FGF14: variants seen among roughly 807,000 people sequenced by gnomAD.
The protein encoded by FGF14 is fibroblast growth factor homologous factor 4.
FGF14 carries 5 observed loss-of-function variants against 25.5 expected under a neutral mutation model. The observed-to-expected ratio is 0.20, with a 90% confidence interval of 0.10 to 0.41. The LOEUF (loss-of-function observed/expected upper bound fraction) is 0.41. Among genes scored for constraint, FGF14 ranks in the 10% least tolerant of loss-of-function variants. The pLI is 1.00. For synonymous variants in FGF14, 138 were observed against 118.3 expected (o/e 1.17, Z -1.08); for missense variants, 222 against 320.1 (o/e 0.69, Z 2.34).
chr13:102,205,915 TTGGGGTG>T (rs2049888379), intron 1 of FGF14, among the ~76,000 whole-genome samples: 2 of 140,376 alleles, frequency 1.4e-5, no homozygotes, highest in Non-Finnish European at 3.1e-5. Context: ...GACTATCCAG[TTGGGGTG>T]ACGTGGACCA....
At chr13:102,028,499 T>C (rs934636357) in intron 1 of FGF14, among the ~76,000 whole-genome samples, 39 of 152,220 alleles carry the variant, frequency 2.6e-4, no homozygotes, top group African/African-American at 8.9e-4. Flanking sequence ...CTGTCATGTA[T>C]AAGTACCCAG....
chr13:102,218,576 T>C (rs536719589), intron 1 of FGF14, among the ~76,000 whole-genome samples: 2 of 151,976 alleles, frequency 1.3e-5, no homozygotes, highest in Non-Finnish European at 2.9e-5. Flanking sequence ...TGGTGGTCAA[T>C]GATGGGGTTC....
At chr13:101,774,043 C>T (rs1167781307) in intron 3 of FGF14, among the ~76,000 whole-genome samples, 3 of 151,702 alleles carry the variant, frequency 2.0e-5, no homozygotes, top group Non-Finnish European at 4.4e-5. Context: ...AAATTAAGAA[C>T]CTACAGTTGT....
intron 1 of FGF14, among the ~76,000 whole-genome samples, chr13:102,103,526 CTTT>C (rs2044758496): frequency 6.6e-6 from 1 of 151,800 alleles, no homozygotes; most frequent in African/African-American, 2.4e-5. Context: ...TATTCCTATT[CTTT>C]TCCAGATGTT....
intron 1 of FGF14, among the ~76,000 whole-genome samples, chr13:102,235,306 CAATT>C (rs745502815): frequency 6.6e-6 from 1 of 152,104 alleles, no homozygotes; most frequent in East Asian, 1.9e-4. Flanking sequence ...ACAAATGAAT[CAATT>C]AAAGTTATGA....
chr13:102,237,851 T>A (rs1372247355), intron 1 of FGF14, among the ~76,000 whole-genome samples: 2 of 152,182 alleles, frequency 1.3e-5, no homozygotes, highest in Non-Finnish European at 2.9e-5. Flanking sequence ...AAGAAGTGAT[T>A]TGACTTACAA....
intron 3 of FGF14, among the ~76,000 whole-genome samples, chr13:101,764,671 G>A (rs9518519): frequency 0.41 from 62,923 of 151,922 alleles, 14,540 homozygotes; most frequent in Non-Finnish European, 0.52. Flanking sequence ...CCCATACGAT[G>A]TAGGCTTAGT....
At chr13:101,801,888 G>A in intron 3 of FGF14, 3 of 386,134 alleles carry the variant, frequency 7.8e-6, no homozygotes, top group Non-Finnish European at 1.5e-5. Flanking sequence ...ATGGCTAAAG[G>A]TGACACCAAG....
chr13:101,883,520 G>C (rs1277045520), intron 1 of FGF14, among the ~76,000 whole-genome samples: 1 of 152,202 alleles, frequency 6.6e-6, no homozygotes, highest in African/African-American at 2.4e-5. Flanking sequence ...AACCAAAGCA[G>C]ATTGCTGTCA....
At chr13:101,856,029 A>C (rs1247183571) in intron 3 of FGF14, among the ~76,000 whole-genome samples, 1 of 151,762 alleles carries the variant, frequency 6.6e-6, no homozygotes, top group African/African-American at 2.4e-5. Flanking sequence ...ACTTCTCCTG[A>C]GTATCCATTT....
At chr13:102,216,412 G>C (rs1328187547) in intron 1 of FGF14, among the ~76,000 whole-genome samples, 1 of 152,112 alleles carries the variant, frequency 6.6e-6, no homozygotes, top group African/African-American at 2.4e-5. Context: ...AAGAATCAAG[G>C]GCACTAGAGA....
At chr13:102,228,915 G>C (rs2050949709) in intron 1 of FGF14, among the ~76,000 whole-genome samples, 1 of 152,048 alleles carries the variant, frequency 6.6e-6, no homozygotes, top group Admixed American at 6.5e-5. Flanking sequence ...ATATATTTTG[G>C]GTTGATTTAA....
At chr13:102,354,247 AAG>A (rs2057364988) in intron 1 of FGF14, 1 of 152,188 alleles carries the variant, frequency 6.6e-6, no homozygotes, top group South Asian at 2.1e-4. Context: ...ACAGAACTCA[AAG>A]TCATCCCTCT....
Position 101,718,065 on chromosome 13 carries a change from G to A in FGF14, c.*4766C>T, listed in dbSNP as rs936503383. On this transcript the variant is annotated 3_prime_UTR_variant, in exon 5 of 5. Transcript: ENST00000376143. ...TGATTCATCTAAAATTTTGGACAAA[G>A]ATGAAAATATAGTCAGCTCTGTTCT... is the stretch of plus-strand genomic sequence containing the variant. 3 of 152,122 alleles carry A rather than the reference G, an allele frequency of 2.0e-5. No individual in the cohort carries two copies. Among genetic ancestry groups the A allele is most frequent in the Admixed American group, 2.0e-4 (3 of 15,276 alleles). 9.4% of individuals were successfully genotyped at this position (152,122 alleles called of 1,614,324 possible).
intron 3 of FGF14, among the ~76,000 whole-genome samples, chr13:101,850,477 TATATATATATATATATATATATATATA>T (rs2043722014): frequency 4.0e-4 from 1 of 2,484 alleles, no homozygotes; most frequent in South Asian, 7.8e-3. Flanking sequence ...TATATATATA[TATATATATATATATATATATATATATA>T]TATATATATA....
chr13:102,104,223 G>A (rs1179150868), intron 1 of FGF14, among the ~76,000 whole-genome samples: 3 of 152,168 alleles, frequency 2.0e-5, no homozygotes, highest in African/African-American at 4.8e-5. Context: ...AACAATAACA[G>A]TAATAGCAAC....
chr13:101,723,389 TTCAA>T (rs1325177865), intron 4 of FGF14, among the ~76,000 whole-genome samples: 2 of 152,074 alleles, frequency 1.3e-5, no homozygotes, highest in East Asian at 3.9e-4. Flanking sequence ...TCTCATTCAC[TTCAA>T]TCAATCTTTG....
upstream of FGF14, among the ~76,000 whole-genome samples, chr13:101,917,798 A>G (rs2139140898): frequency 6.6e-6 from 1 of 152,290 alleles, no homozygotes; most frequent in South Asian, 2.1e-4. Flanking sequence ...ATTAAGCGAG[A>G]TAGAAAGACC....
chr13:101,810,313 A>G (rs1416102885), intron 3 of FGF14, among the ~76,000 whole-genome samples: 1 of 152,224 alleles, frequency 6.6e-6, no homozygotes, highest in Non-Finnish European at 1.5e-5. Context: ...GCAACTGTGC[A>G]TAGTATTGTG....
Sources: allele counts gnomAD v4.1 joint callset (sites outside exome capture counted in the v4.1 genomes callset), GRCh38; gene constraint gnomAD v4.1.1; transcripts MANE v1.5; gene names NCBI Gene and HGNC (gene_info 2026-07-23, HGNC 2026-07-21).